The following FGF2 variants were observed in gnomAD, a reference collection of about 807,000 sequenced individuals.
FGF2 encodes the protein fibroblast growth factor 2.
In FGF2, 13 loss-of-function variants were observed where a neutral mutation model predicts 15.9. The ratio of observed to expected loss-of-function variants is 0.82; its 90% CI spans 0.53 to 1.30. The LOEUF is 1.30. Ranked by LOEUF, FGF2 falls within the 50% of genes most tolerant of loss-of-function variation. The pLI is 0.00. For missense variants in FGF2, 163 were observed against 196.9 expected (o/e 0.83, Z 1.03); for synonymous variants, 90 against 78.4 (o/e 1.15, Z -0.78).
At chr4:122,844,016 C>T (rs1301462795) in intron 1 of FGF2, among the ~76,000 whole-genome samples, 1 of 152,150 alleles carries the variant, frequency 6.6e-6, no homozygotes, top group Non-Finnish European at 1.5e-5. Flanking sequence ...CATCAGTTGA[C>T]TTATCCTATC....
chr4:122,855,333 A>G (rs2150773462), intron 1 of FGF2, among the ~76,000 whole-genome samples: 1 of 152,342 alleles, frequency 6.6e-6, no homozygotes, highest in Middle Eastern at 3.4e-3. Context: ...AAGGCAGCTT[A>G]TATTTTTGTT....
At chr4:122,842,469 T>C (rs544339364) in intron 1 of FGF2, among the ~76,000 whole-genome samples, 2 of 152,232 alleles carry the variant, frequency 1.3e-5, no homozygotes, top group African/African-American at 4.8e-5. Context: ...TTGAACCACA[T>C]GACAGTGAAA....
chr4:122,876,984 C>G (rs1726861855), intron 2 of FGF2, among the ~76,000 whole-genome samples: 2 of 152,284 alleles, frequency 1.3e-5, no homozygotes, highest in Admixed American at 1.3e-4. Flanking sequence ...GGGATTTTAT[C>G]AGAATTTAAT....
intron 1 of FGF2, among the ~76,000 whole-genome samples, chr4:122,870,541 G>C (rs758137454): frequency 1.3e-5 from 2 of 151,976 alleles, no homozygotes; most frequent in Non-Finnish European, 2.9e-5. Flanking sequence ...TCTTCTTCCT[G>C]GTTTAGCCTT....
At chr4:122,841,563 A>G (rs1335738973) in intron 1 of FGF2, among the ~76,000 whole-genome samples, 2 of 152,240 alleles carry the variant, frequency 1.3e-5, no homozygotes, top group African/African-American at 4.8e-5. Flanking sequence ...ATCACTTTTA[A>G]TAAACTGGAA....
chr4:122,865,612 T>C (rs1414308734), intron 1 of FGF2, among the ~76,000 whole-genome samples: 1 of 152,248 alleles, frequency 6.6e-6, no homozygotes, highest in Non-Finnish European at 1.5e-5. Flanking sequence ...GGAAATGCAT[T>C]GCCTAATTTC....
Position 122,892,117 on chromosome 4 carries a change from C to A in FGF2, c.283-94C>A, listed in dbSNP as rs542112867. On this transcript the variant is annotated intron_variant, in intron 2 of 2. Transcript: ENST00000644866. The stretch of plus-strand genomic sequence containing the variant: ...CCCAACATCACTGCTGCTGGTTGAG[C>A]AGAATAGGCATTATACTATCATAAA... The A allele has an allele frequency of 5.0e-5, 55 of 1,106,230 alleles. No homozygotes were observed. In the African/African-American group the frequency reaches 7.8e-4, roughly 16 times the overall value. 68.5% of individuals were successfully genotyped at this position (1,106,230 alleles called of 1,614,324 possible).
chr4:122,892,697 T>C lies in FGF2; in HGVS notation c.*301T>C. On this transcript the variant is annotated 3_prime_UTR_variant, in exon 3 of 3. Transcript: ENST00000644866. ...AAGAGGCTTTTAAAATGTGCATGTT[T>C]AGAAACAAAATTTCTTCATGGAAAT... The C allele has an allele frequency of 7.3e-7, 1 of 1,362,106 alleles. No individual in the cohort carries two copies. Among genetic ancestry groups the C allele is most frequent in the Non-Finnish European group, 9.7e-7 (1 of 1,027,870 alleles). 84.4% of individuals were successfully genotyped at this position (1,362,106 alleles called of 1,614,324 possible). A position where few individuals can be genotyped will look rare whatever the true frequency, so the allele number is the denominator to read the frequency against.
At chr4:122,882,762 A>G (rs1726986496) in intron 2 of FGF2, 1 of 152,214 alleles carries the variant, frequency 6.6e-6, no homozygotes, top group African/African-American at 2.4e-5. Flanking sequence ...CTCTCGTCAT[A>G]CGACCTGTTC....
chr4:122,856,853 C>T (rs1454922105), intron 1 of FGF2, among the ~76,000 whole-genome samples: 1 of 152,150 alleles, frequency 6.6e-6, no homozygotes, highest in Non-Finnish European at 1.5e-5. Context: ...GCACTCACTC[C>T]CTCAGCCCCA....
chr4:122,850,725 G>A (rs909770224), intron 1 of FGF2, among the ~76,000 whole-genome samples: 7 of 152,050 alleles, frequency 4.6e-5, no homozygotes, highest in East Asian at 1.9e-4. Flanking sequence ...GACTCTTAGC[G>A]CTCTCTTCAG....
intron 1 of FGF2, among the ~76,000 whole-genome samples, chr4:122,844,614 C>CCTTT (rs1266103948): frequency 7.2e-6 from 1 of 138,778 alleles, no homozygotes; most frequent in Admixed American, 7.3e-5. Context: ...TTCCTTCCTT[C>CCTTT]CTTTCTTTCT....
chr4:122,887,467 C>T (rs1361378961), intron 2 of FGF2, among the ~76,000 whole-genome samples: 2 of 152,166 alleles, frequency 1.3e-5, no homozygotes, highest in African/African-American at 4.8e-5. Flanking sequence ...AAACATGGCT[C>T]CCGCCATCTC....
At position 122,876,370 on chromosome 4, in the gene FGF2, A is replaced by G. The variant is rs199515030; in HGVS notation, c.228A>G (p.Gly76=). Residue 76 remains glycine (G), a synonymous_variant, in exon 2 of 3, where the codon GGA becomes GGG. Coordinates refer to ENST00000644866, the MANE Select transcript of FGF2 (RefSeq NM_001361665.2). ...AGAGAGGAGTTGTGTCTATCAAAGG[A>G]GTGTGTGCTAACCGTTACCTGGCTA... is the stretch of plus-strand genomic sequence containing the variant. The part of the protein sequence containing the change: ...AEERGVVSIK[G]VCANRYLAMK... The G allele has an allele frequency of 1.5e-5, 25 of 1,613,630 alleles. No individual in the cohort carries two copies. The East Asian group carries it at 4.2e-4, about 27-fold the overall frequency.
At chr4:122,868,274 C>A (rs372562975) in intron 1 of FGF2, among the ~76,000 whole-genome samples, 1 of 152,146 alleles carries the variant, frequency 6.6e-6, no homozygotes, top group Non-Finnish European at 1.5e-5. Flanking sequence ...TCCTTTCACT[C>A]CCCACCCCAC....
chr4:122,852,438 G>A (rs755603583), intron 1 of FGF2, among the ~76,000 whole-genome samples: 2 of 152,140 alleles, frequency 1.3e-5, no homozygotes, highest in Non-Finnish European at 2.9e-5. Context: ...CATCCTGTTT[G>A]CTAATATCAA....
At position 122,870,093 on chromosome 4, in the gene FGF2, C is replaced by T. The variant is rs189886797; in HGVS notation, c.179-6228C>T. Among the ~76,000 whole-genome samples, 781 of 152,234 alleles carry T rather than the reference C, an allele frequency of 5.1e-3. 4 individuals are homozygous for T. Among genetic ancestry groups the T allele is most frequent in the Middle Eastern group, 0.014 (4 of 294 alleles). On this transcript the variant is annotated intron_variant, in intron 1 of 2. Transcript: ENST00000644866. Reference sequence around the variant, plus strand: ...TTTTCTGCATCTATTGAGATAATCACGTGGTTTTTGTCTTTGGTTCTGTTT... The same window carrying T: ...TTTTCTGCATCTATTGAGATAATCATGTGGTTTTTGTCTTTGGTTCTGTTT...
intron 1 of FGF2, among the ~76,000 whole-genome samples, chr4:122,845,697 C>T (rs1726096522): frequency 6.6e-6 from 1 of 152,238 alleles, no homozygotes; most frequent in African/African-American, 2.4e-5. Flanking sequence ...TTACCTCTCT[C>T]AGCCTTCATA....
At chr4:122,870,257 A>C (rs1056296693) in intron 1 of FGF2, among the ~76,000 whole-genome samples, 2 of 152,062 alleles carry the variant, frequency 1.3e-5, no homozygotes, top group Non-Finnish European at 2.9e-5. Flanking sequence ...GAGGATTTTC[A>C]CATCAGTGTT....
Sources: allele counts gnomAD v4.1 joint callset (sites outside exome capture counted in the v4.1 genomes callset), GRCh38; gene constraint gnomAD v4.1.1; transcripts MANE v1.5; gene names NCBI Gene and HGNC (gene_info 2026-07-23, HGNC 2026-07-21).